Variants in ZFAND3 observed in about 807,000 individuals in gnomAD.
The protein encoded by ZFAND3 is AN1-type zinc finger protein 3.
Under a neutral mutation model 29.6 loss-of-function variants are expected in ZFAND3, and 10 were observed. The observed-to-expected ratio is 0.34, with a 90% confidence interval of 0.21 to 0.57. ZFAND3 has a LOEUF of 0.57. Among genes scored for constraint, ZFAND3 ranks in the 20% least tolerant of loss-of-function variants. ZFAND3 has a pLI of 0.86. For synonymous variants in ZFAND3, 128 were observed against 112.6 expected, an observed-to-expected ratio of 1.14 and a Z score of -0.87; for missense variants, 230 against 304.5, an observed-to-expected ratio of 0.76 and a Z score of 1.82.
intron 1 of ZFAND3, among the ~76,000 whole-genome samples, chr6:37,913,216 A>G: frequency 6.6e-6 from 1 of 152,148 alleles, no homozygotes; most frequent in Non-Finnish European, 1.5e-5. Flanking sequence ...ATATTTCTCT[A>G]TAGAATGTAA....
chr6:38,137,887 G>A (rs1323639577), intron 5 of ZFAND3, among the ~76,000 whole-genome samples: 2 of 152,210 alleles, frequency 1.3e-5, no homozygotes, highest in African/African-American at 2.4e-5. Context: ...CGTTGCGGGA[G>A]GAGAGTGGAG....
chr6:37,927,273 T>G (rs1761501652), intron 1 of ZFAND3, among the ~76,000 whole-genome samples: 1 of 152,236 alleles, frequency 6.6e-6, no homozygotes, highest in African/African-American at 2.4e-5. Context: ...GCACACTGGT[T>G]GCCAAGTTAT....
At chr6:38,019,823 G>T (rs931837992) in intron 2 of ZFAND3, among the ~76,000 whole-genome samples, 5 of 152,218 alleles carry the variant, frequency 3.3e-5, no homozygotes, top group African/African-American at 9.6e-5. Context: ...CTGGGTTCAA[G>T]TCATTTTCCT....
chr6:38,014,183 T>C (rs1201448342), intron 2 of ZFAND3, among the ~76,000 whole-genome samples: 1 of 152,150 alleles, frequency 6.6e-6, no homozygotes, highest in Non-Finnish European at 1.5e-5. Context: ...TTGACTAATA[T>C]TAGTCGTGCA....
chr6:37,890,057 A>G (rs1335385339), intron 1 of ZFAND3, among the ~76,000 whole-genome samples: 1 of 152,178 alleles, frequency 6.6e-6, no homozygotes, highest in African/African-American at 2.4e-5. Flanking sequence ...TTTAGATAAT[A>G]AGAAAAAACA....
intron 4 of ZFAND3, among the ~76,000 whole-genome samples, chr6:38,113,959 A>G (rs545444641): frequency 1.3e-5 from 2 of 152,328 alleles, no homozygotes; most frequent in South Asian, 2.1e-4. Flanking sequence ...TCAGACACAG[A>G]GGTGTGAAAG....
chr6:38,085,567 A>ATG (rs1465716646), intron 4 of ZFAND3, among the ~76,000 whole-genome samples: 1 of 152,096 alleles, frequency 6.6e-6, no homozygotes, highest in Non-Finnish European at 1.5e-5. Flanking sequence ...ACTTTATTAT[A>ATG]TGTGTGTGTG....
intron 2 of ZFAND3, among the ~76,000 whole-genome samples, chr6:37,944,588 G>T (rs573020471): frequency 2.0e-5 from 3 of 152,150 alleles, no homozygotes; most frequent in African/African-American, 7.2e-5. Context: ...CTACTAAATC[G>T]GTTTTTCTTT....
chr6:37,821,785 CTT>C (rs1763672118), intron 1 of ZFAND3, among the ~76,000 whole-genome samples: 1 of 152,188 alleles, frequency 6.6e-6, no homozygotes, highest in African/African-American at 2.4e-5. Flanking sequence ...TATCGAAAGA[CTT>C]ATATCAAGGC....
At chr6:37,890,889 A>G (rs1765083147) in intron 1 of ZFAND3, among the ~76,000 whole-genome samples, 1 of 152,236 alleles carries the variant, frequency 6.6e-6, no homozygotes, top group South Asian at 2.1e-4. Flanking sequence ...GTTAAAAGTG[A>G]CTCTAGCCAA....
At chr6:38,133,568 T>C (rs1295591736) in intron 5 of ZFAND3, among the ~76,000 whole-genome samples, 1 of 152,022 alleles carries the variant, frequency 6.6e-6, no homozygotes, top group Non-Finnish European at 1.5e-5. Context: ...GCTAACATGG[T>C]GAAACCCTGT....
chr6:37,847,371 C>T (rs528923945), intron 1 of ZFAND3, among the ~76,000 whole-genome samples: 128 of 152,028 alleles, frequency 8.4e-4, no homozygotes, highest in African/African-American at 2.7e-3. Flanking sequence ...GTCAGGAGAT[C>T]GAGACCATCC....
chr6:37,843,613 A>G (rs761506915), intron 1 of ZFAND3, among the ~76,000 whole-genome samples: 1 of 152,218 alleles, frequency 6.6e-6, no homozygotes, highest in African/African-American at 2.4e-5. Context: ...TTTGAGAACT[A>G]TGCGGTCCAC....
At chr6:38,115,142 G>A (rs555512888) in intron 4 of ZFAND3, among the ~76,000 whole-genome samples, 1 of 152,330 alleles carries the variant, frequency 6.6e-6, no homozygotes, top group South Asian at 2.1e-4. Context: ...GTACAGTGCA[G>A]CAGGGCTGGG....
chr6:37,903,741 A>G (rs1428762987), intron 1 of ZFAND3, among the ~76,000 whole-genome samples: 2 of 152,226 alleles, frequency 1.3e-5, no homozygotes, highest in African/African-American at 4.8e-5. Flanking sequence ...TTAAACGTGC[A>G]ATTCATAAAA....
intron 1 of ZFAND3, among the ~76,000 whole-genome samples, chr6:37,878,286 A>G (rs1394891754): frequency 6.6e-6 from 1 of 152,220 alleles, no homozygotes; most frequent in Non-Finnish European, 1.5e-5. Flanking sequence ...AGGGCAGATC[A>G]CTGGAGTGAT....
intron 1 of ZFAND3, among the ~76,000 whole-genome samples, chr6:37,927,143 A>C (rs1761499692): frequency 6.6e-6 from 1 of 152,220 alleles, no homozygotes; most frequent in Admixed American, 6.5e-5. Context: ...TAGGTAATAC[A>C]TAGGTATGGT....
chr6:37,854,907 C>G lies in ZFAND3; in HGVS notation c.71+34891C>G, dbSNP rs374866059. ...AAAGCTAATAAGTTAGTAATGAGTA[C>G]AGTCTAGGAAGCAAAATTATTACCA... On this transcript the variant is annotated intron_variant, in intron 1 of 5. Transcript: ENST00000287218. 5.6e-5 allele frequency among the ~76,000 whole-genome samples: 8 copies of G among 142,774 alleles called. No individual in the cohort carries two copies. In the East Asian group the frequency reaches 8.4e-4, roughly 15 times the overall value. 93.7% of individuals were successfully genotyped at this position (142,774 alleles called of 152,430 possible).
chr6:38,013,447 T>G (rs566774274), intron 2 of ZFAND3, among the ~76,000 whole-genome samples: 2 of 152,356 alleles, frequency 1.3e-5, no homozygotes, highest in South Asian at 4.1e-4. Context: ...TAGTACATAC[T>G]GCCGTCTGTT....
Sources: gnomAD v4.1 joint callset for allele counts (sites outside exome capture counted in the v4.1 genomes callset) on GRCh38, gnomAD v4.1.1 for gene constraint, MANE v1.5 for transcripts, NCBI Gene and HGNC (gene_info 2026-07-23, HGNC 2026-07-21) for gene names.